The following FOCAD variants were observed in gnomAD, a reference collection of about 807,000 sequenced individuals.
FOCAD encodes KIAA1797.
A neutral mutation model predicts 225.6 loss-of-function variants in FOCAD; 198 were observed. That is an observed-to-expected ratio of 0.88 (90% CI 0.78 to 0.99). FOCAD has a LOEUF of 0.99. FOCAD is among the 50% of genes least tolerant of loss of function. FOCAD has a pLI of 0.00. For synonymous variants in FOCAD, 897 were observed against 755.0 expected (o/e 1.19, Z -3.08); for missense variants, 2,713 against 2,123.6 (o/e 1.28, Z -5.46).
At chr9:20,821,996 T>C (rs572087548) in intron 14 of FOCAD, among the ~76,000 whole-genome samples, 28 of 49,338 alleles carry the variant, frequency 5.7e-4, no homozygotes, top group African/African-American at 2.2e-3. Flanking sequence ...TAAAAGTTAC[T>C]AAAAAAAAAA....
intron 35 of FOCAD, among the ~76,000 whole-genome samples, chr9:20,953,787 T>C (rs1837900378): frequency 6.6e-6 from 1 of 152,250 alleles, no homozygotes; most frequent in South Asian, 2.1e-4. Context: ...GGTTTGCTAA[T>C]TTTATTCTTC....
At chr9:20,785,820 G>A (rs1190311138) in intron 10 of FOCAD, among the ~76,000 whole-genome samples, 1 of 152,110 alleles carries the variant, frequency 6.6e-6, no homozygotes, top group Non-Finnish European at 1.5e-5. Flanking sequence ...CACAGTTTGG[G>A]GGAATGGCCA....
At position 20,981,638 on chromosome 9, in the gene FOCAD, C is replaced by A; in HGVS notation, c.4590C>A (p.Leu1530=). 6.2e-7 allele frequency: 1 copy of A among 1,613,310 alleles called. No individual in the cohort carries two copies. ...PSPAHHLWSL[L]SEATGKIFDL... ...CTGCCCACCACCTCTGGAGTCTGCTCTCTGAAGCTACTGGGAAAATTTTTG... is the reference window on the plus strand; with the variant it reads ...CTGCCCACCACCTCTGGAGTCTGCTATCTGAAGCTACTGGGAAAATTTTTG... The change falls in exon 38 of 44, where the codon CTC becomes CTA. Residue 1530 remains leucine (L), a synonymous_variant. Transcript: ENST00000338382.
chr9:20,830,165 T>A (rs1410003948), intron 15 of FOCAD, among the ~76,000 whole-genome samples: 1 of 152,136 alleles, frequency 6.6e-6, no homozygotes, highest in Non-Finnish European at 1.5e-5. Context: ...TGTCATGTTG[T>A]GTTATTGGAG....
intron 8 of FOCAD, among the ~76,000 whole-genome samples, chr9:20,774,849 T>C (rs1225911707): frequency 3.9e-5 from 6 of 152,188 alleles, no homozygotes; most frequent in Non-Finnish European, 7.4e-5. Flanking sequence ...TAGAAGGAAA[T>C]AACAATTAGT....
At chr9:20,856,161 G>T (rs2131649082) in intron 15 of FOCAD, among the ~76,000 whole-genome samples, 1 of 151,736 alleles carries the variant, frequency 6.6e-6, no homozygotes. Context: ...TAATTTTTTT[G>T]AGAAAACTCC....
chr9:20,753,826 G>T (rs892780628), intron 5 of FOCAD, among the ~76,000 whole-genome samples: 1 of 150,246 alleles, frequency 6.7e-6, no homozygotes, highest in Non-Finnish European at 1.5e-5. Flanking sequence ...TGCAGTGTTT[G>T]TGTTTATTTT....
At chr9:20,879,301 G>A (rs532764691) in intron 19 of FOCAD, among the ~76,000 whole-genome samples, 1 of 152,124 alleles carries the variant, frequency 6.6e-6, no homozygotes, top group African/African-American at 2.4e-5. Flanking sequence ...CCCAGGATTA[G>A]GCTTTCAGGA....
chr9:20,853,759 C>G (rs1348801994), intron 15 of FOCAD, among the ~76,000 whole-genome samples: 5 of 151,682 alleles, frequency 3.3e-5, no homozygotes, highest in South Asian at 4.1e-4. Flanking sequence ...ACAATGCTGC[C>G]TTGATAATAA....
intron 5 of FOCAD, among the ~76,000 whole-genome samples, chr9:20,741,782 A>G (rs1170836976): frequency 6.7e-6 from 1 of 150,282 alleles, no homozygotes; most frequent in Non-Finnish European, 1.5e-5. Context: ...GTAAATGAGC[A>G]CATTTTAATA....
intron 5 of FOCAD, among the ~76,000 whole-genome samples, chr9:20,745,122 T>TC (rs1454602416): frequency 2.0e-5 from 3 of 152,000 alleles, no homozygotes; most frequent in Non-Finnish European, 4.4e-5. Flanking sequence ...ACATTTTTTT[T>TC]TTTTTGAGAC....
chr9:20,731,673 A>G (rs867401693), intron 4 of FOCAD, among the ~76,000 whole-genome samples: 1 of 152,088 alleles, frequency 6.6e-6, no homozygotes, highest in Non-Finnish European at 1.5e-5. Context: ...GCTGGAGTGC[A>G]TTGGTGTGAT....
At chr9:20,923,449 C>G (rs1427466746) in intron 24 of FOCAD, among the ~76,000 whole-genome samples, 1 of 152,124 alleles carries the variant, frequency 6.6e-6, no homozygotes, top group Admixed American at 6.5e-5. Flanking sequence ...ATGACCCATA[C>G]TACATTGATA....
chr9:20,912,649 C>T (rs140459396), intron 22 of FOCAD, among the ~76,000 whole-genome samples: 1 of 152,232 alleles, frequency 6.6e-6, no homozygotes, highest in East Asian at 1.9e-4. Flanking sequence ...ATTTGCCAAA[C>T]ATACAACTTC....
chr9:20,925,839 C>A (rs1314503458), intron 25 of FOCAD, among the ~76,000 whole-genome samples: 2 of 152,132 alleles, frequency 1.3e-5, no homozygotes, highest in Non-Finnish European at 2.9e-5. Flanking sequence ...GAAATGACAA[C>A]TAAATGGTAA....
chr9:20,835,332 C>G (rs538763324), intron 15 of FOCAD, among the ~76,000 whole-genome samples: 2 of 152,026 alleles, frequency 1.3e-5, no homozygotes, highest in Non-Finnish European at 2.9e-5. Context: ...CCCAAATTAA[C>G]TTGGAAATGT....
At chr9:20,910,160 T>C (rs1833318586) in intron 22 of FOCAD, among the ~76,000 whole-genome samples, 1 of 152,060 alleles carries the variant, frequency 6.6e-6, no homozygotes, top group African/African-American at 2.4e-5. Flanking sequence ...GAGAGGTATT[T>C]AGATTTCTTC....
chr9:20,679,985 G>A (rs184162002), upstream of FOCAD, among the ~76,000 whole-genome samples: 1 of 152,312 alleles, frequency 6.6e-6, no homozygotes, highest in East Asian at 1.9e-4. Context: ...CAGTGAACCA[G>A]CTGTAGAGAG....
intron 8 of FOCAD, among the ~76,000 whole-genome samples, chr9:20,775,493 C>T (rs1818663492): frequency 6.6e-6 from 1 of 152,150 alleles, no homozygotes; most frequent in East Asian, 1.9e-4. Flanking sequence ...CTGTTTGGCC[C>T]ATCTTGGCTT....
Sources: allele counts gnomAD v4.1 joint callset (sites outside exome capture counted in the v4.1 genomes callset), GRCh38; gene constraint gnomAD v4.1.1; transcripts MANE v1.5; gene names NCBI Gene and HGNC (gene_info 2026-07-23, HGNC 2026-07-21).